The following RP1 variants were observed in gnomAD, a reference collection of about 807,000 sequenced individuals.
The protein encoded by RP1 is RP1 axonemal microtubule associated.
A neutral mutation model predicts 14.8 loss-of-function variants in RP1; 16 were observed. The ratio of observed to expected loss-of-function variants is 1.08; its 90% CI spans 0.73 to 1.65. The LOEUF (loss-of-function observed/expected upper bound fraction) is 1.65, where lower values mean the gene tolerates loss of function less well. RP1 is among the 40% of genes most tolerant of loss of function. RP1 has a pLI of 0.00. For synonymous variants in RP1, 876 were observed against 883.6 expected (o/e 0.99, Z 0.15); for missense variants, 2,631 against 2,535.0 (o/e 1.04, Z -0.81).
At chr8:54,668,049 A>G (rs1807057535) in intron 7 of RP1, among the ~76,000 whole-genome samples, 2 of 152,180 alleles carry the variant, frequency 1.3e-5, no homozygotes, top group South Asian at 2.1e-4. Flanking sequence ...AGAGAATTTT[A>G]GACCAATATC....
At chr8:54,742,060 C>A (rs192275201) in intron 19 of RP1, among the ~76,000 whole-genome samples, 10 of 151,914 alleles carry the variant, frequency 6.6e-5, no homozygotes, top group Admixed American at 3.3e-4. Flanking sequence ...ATGTTGGACT[C>A]CAGAGACTGA....
intron 1 of RP1, among the ~76,000 whole-genome samples, chr8:54,581,207 C>T (rs1224888646): frequency 6.6e-6 from 1 of 151,722 alleles, no homozygotes; most frequent in Non-Finnish European, 1.5e-5. Flanking sequence ...TTCCTGTGTC[C>T]ATGTATTCTC....
At chr8:54,827,371 G>C (rs1254809435) in intron 24 of RP1, among the ~76,000 whole-genome samples, 1 of 150,806 alleles carries the variant, frequency 6.6e-6, no homozygotes, top group Non-Finnish European at 1.5e-5. Flanking sequence ...CTGTTGCCCA[G>C]GCTGGAGTGC....
At chr8:54,690,282 C>T (rs935582494) in intron 12 of RP1, among the ~76,000 whole-genome samples, 1 of 152,002 alleles carries the variant, frequency 6.6e-6, no homozygotes, top group Non-Finnish European at 1.5e-5. Flanking sequence ...TGATGATTAG[C>T]TGCAGTTCTT....
chr8:54,828,853 CTTCTTCT>C (rs369066594), intron 24 of RP1, among the ~76,000 whole-genome samples: 12 of 140,854 alleles, frequency 8.5e-5, no homozygotes, highest in African/African-American at 2.6e-4. Flanking sequence ...TCTTCTTCTT[CTTCTTCT>C]TTCTTCTTTC....
chr8:54,863,831 G>C (rs1165886357), intron 27 of RP1, among the ~76,000 whole-genome samples: 2 of 152,144 alleles, frequency 1.3e-5, no homozygotes, highest in African/African-American at 4.8e-5. Flanking sequence ...TCACTATGTG[G>C]ATAACAGATG....
intron 17 of RP1, among the ~76,000 whole-genome samples, chr8:54,729,258 A>G (rs1279850261): frequency 1.3e-5 from 2 of 152,182 alleles, no homozygotes; most frequent in Non-Finnish European, 2.9e-5. Context: ...GTCTCTGTGC[A>G]TGGGCACTTG....
chr8:54,631,606 G>A (rs1806246847), downstream of RP1, among the ~76,000 whole-genome samples: 1 of 151,610 alleles, frequency 6.6e-6, no homozygotes, highest in Non-Finnish European at 1.5e-5. Context: ...CTGGTTTACA[G>A]TAGGGTATCA....
chr8:54,824,134 T>G (rs76735667), intron 24 of RP1, among the ~76,000 whole-genome samples: 3,099 of 71,134 alleles, frequency 0.044, 195 homozygotes, highest in East Asian at 0.31. Context: ...TGTTTGTGTG[T>G]TTTTTTTTTA....
chr8:54,830,155 A>T (rs986768948), intron 24 of RP1, among the ~76,000 whole-genome samples: 7 of 152,142 alleles, frequency 4.6e-5, no homozygotes, highest in African/African-American at 1.4e-4. Context: ...ATTGCGTATT[A>T]GTCTATCCCT....
intron 24 of RP1, among the ~76,000 whole-genome samples, chr8:54,818,599 C>T (rs1811187333): frequency 6.6e-6 from 1 of 152,204 alleles, no homozygotes; most frequent in Non-Finnish European, 1.5e-5. Flanking sequence ...CTCAGCTTTA[C>T]TTAATGAGGC....
chr8:54,595,421 G>A (rs1245785214), intron 1 of RP1, among the ~76,000 whole-genome samples: 1 of 152,082 alleles, frequency 6.6e-6, no homozygotes, highest in Admixed American at 6.5e-5. Flanking sequence ...GAGACACCAC[G>A]CCTGGCCCCC....
chr8:54,755,371 A>G (rs997459079), intron 20 of RP1, among the ~76,000 whole-genome samples: 3 of 152,206 alleles, frequency 2.0e-5, no homozygotes, highest in Non-Finnish European at 4.4e-5. Flanking sequence ...ACCTTATAAA[A>G]AATCTTTTAT....
At chr8:54,573,476 T>A (rs1804574300) in intron 1 of RP1, among the ~76,000 whole-genome samples, 1 of 152,218 alleles carries the variant, frequency 6.6e-6, no homozygotes. Flanking sequence ...AGTTCTAGTT[T>A]AATGCTTGAG....
At chr8:54,601,598 G>GA (rs1296926931) in intron 1 of RP1, among the ~76,000 whole-genome samples, 4,947 of 93,558 alleles carry the variant, frequency 0.053, 281 homozygotes, top group African/African-American at 0.16. Flanking sequence ...AAAAAACTTA[G>GA]AAAAAAAAAA....
intron 22 of RP1, among the ~76,000 whole-genome samples, chr8:54,764,540 C>A (rs1809717210): frequency 6.6e-6 from 1 of 152,230 alleles, no homozygotes; most frequent in South Asian, 2.1e-4. Flanking sequence ...GCACTTACTA[C>A]ATTAAGTTAT....
intron 1 of RP1, among the ~76,000 whole-genome samples, chr8:54,604,654 A>C (rs980917376): frequency 6.6e-6 from 1 of 152,196 alleles, no homozygotes; most frequent in Non-Finnish European, 1.5e-5. Context: ...TTCGGCAGTC[A>C]ATCCATCTGG....
At chr8:54,634,444 A>G (rs1240146736), downstream of RP1, among the ~76,000 whole-genome samples, 4 of 152,218 alleles carry the variant, frequency 2.6e-5, no homozygotes, top group African/African-American at 4.8e-5. Flanking sequence ...CTGTGTTTTT[A>G]CAATTTGCAG....
At chr8:54,810,295 G>T (rs1441514637) in intron 24 of RP1, among the ~76,000 whole-genome samples, 2 of 152,168 alleles carry the variant, frequency 1.3e-5, no homozygotes, top group Non-Finnish European at 1.5e-5. Flanking sequence ...CCAGCATAAA[G>T]ATTTTAGAAA....
Sources: allele counts gnomAD v4.1 joint callset (sites outside exome capture counted in the v4.1 genomes callset), GRCh38; gene constraint gnomAD v4.1.1; transcripts MANE v1.5; gene names NCBI Gene and HGNC (gene_info 2026-07-23, HGNC 2026-07-21).